HS6ST2: variants seen among roughly 807,000 people sequenced by gnomAD.
HS6ST2 encodes the protein heparan-sulfate 6-O-sulfotransferase 2.
Under a neutral mutation model 33.0 loss-of-function variants are expected in HS6ST2, and 17 were observed. The observed-to-expected ratio is 0.52, with a 90% CI of 0.35 to 0.77. HS6ST2 has a LOEUF of 0.77. HS6ST2 is among the 30% of genes least tolerant of loss of function. The pLI is 0.01. For missense variants in HS6ST2, 519 were observed against 551.7 expected (o/e 0.94, Z 0.59); for synonymous variants, 248 against 237.1 (o/e 1.05, Z -0.42).
At chrX:132,800,973 T>C (rs1263043534) in intron 2 of HS6ST2, among the ~76,000 whole-genome samples, 3 of 111,781 alleles carry the variant, frequency 2.7e-5, no homozygotes, top group African/African-American at 9.8e-5. Context: ...TCAGCCATAA[T>C]TGTAAGTTTC....
chrX:132,937,223 T>C (rs1191899578), intron 2 of HS6ST2, among the ~76,000 whole-genome samples: 1 of 112,069 alleles, frequency 8.9e-6, no homozygotes, highest in Non-Finnish European at 1.9e-5. Context: ...AGACATCACA[T>C]GCTCATAGAT....
At chrX:132,913,400 A>G (rs2066552759) in intron 2 of HS6ST2, among the ~76,000 whole-genome samples, 1 of 112,258 alleles carries the variant, frequency 8.9e-6, no homozygotes, top group African/African-American at 3.2e-5. Context: ...GGACTAAAAC[A>G]ACTGTTAGCA....
intron 2 of HS6ST2, among the ~76,000 whole-genome samples, chrX:132,851,987 T>C (rs1193239383): frequency 1.8e-5 from 2 of 110,890 alleles, no homozygotes; most frequent in Non-Finnish European, 3.8e-5. Context: ...CAAAAAACTT[T>C]AAAACTTAGC....
chrX:132,814,936 G>A (rs1198780679), intron 2 of HS6ST2, among the ~76,000 whole-genome samples: 1 of 112,054 alleles, frequency 8.9e-6, no homozygotes, highest in Admixed American at 9.5e-5. Context: ...TAAAACCCAA[G>A]TCAAATGCCA....
intron 2 of HS6ST2, among the ~76,000 whole-genome samples, chrX:132,886,628 A>G (rs1455295357): frequency 9.0e-6 from 1 of 111,342 alleles, no homozygotes; most frequent in African/African-American, 3.3e-5. Context: ...ACCTAGGAAC[A>G]TAATGGCCAA....
At chrX:132,716,504 T>TA (rs914849104) in intron 2 of HS6ST2, among the ~76,000 whole-genome samples, 7 of 111,709 alleles carry the variant, frequency 6.3e-5, no homozygotes, top group Middle Eastern at 4.6e-3. Flanking sequence ...AGTTGAGTTA[T>TA]AAAAAAAATG....
chrX:132,798,629 C>G (rs1455063094), intron 2 of HS6ST2, among the ~76,000 whole-genome samples: 1 of 111,797 alleles, frequency 8.9e-6, no homozygotes, highest in African/African-American at 3.3e-5. Flanking sequence ...AAAAAAGGCT[C>G]AGTAAAACTC....
intron 2 of HS6ST2, among the ~76,000 whole-genome samples, chrX:132,724,599 A>G (rs2093206234): frequency 8.9e-6 from 1 of 111,998 alleles, no homozygotes; most frequent in Non-Finnish European, 1.9e-5. Flanking sequence ...TACAGATTTG[A>G]TGCAATCCCT....
chrX:132,854,290 C>T (rs775903494), intron 2 of HS6ST2, among the ~76,000 whole-genome samples: 4 of 112,306 alleles, frequency 3.6e-5, no homozygotes, highest in Admixed American at 2.8e-4. Flanking sequence ...TTTCATCTGT[C>T]TTAAAGAATT....
At chrX:132,814,212 G>C (rs1164358280) in intron 2 of HS6ST2, among the ~76,000 whole-genome samples, 1 of 112,249 alleles carries the variant, frequency 8.9e-6, no homozygotes, top group African/African-American at 3.2e-5. Flanking sequence ...CCAAAGTGCT[G>C]GGATTATAGG....
At chrX:132,945,329 G>T (rs2066939221) in intron 2 of HS6ST2, among the ~76,000 whole-genome samples, 2 of 111,760 alleles carry the variant, frequency 1.8e-5, no homozygotes, top group Non-Finnish European at 3.8e-5. Flanking sequence ...CAGTTAGAAT[G>T]GCGATCATTA....
intron 3 of HS6ST2, among the ~76,000 whole-genome samples, chrX:132,676,151 G>A (rs748636209): frequency 2.1e-4 from 24 of 112,031 alleles, no homozygotes; most frequent in Admixed American, 2.8e-4. Context: ...TCTGCCAGTC[G>A]TACTTCTTAA....
intron 2 of HS6ST2, among the ~76,000 whole-genome samples, chrX:132,778,395 T>C (rs1368275503): frequency 9.0e-6 from 1 of 111,113 alleles, no homozygotes; most frequent in African/African-American, 3.3e-5. Flanking sequence ...TTGTTTTGTT[T>C]TGTTTTTTTG....
intron 4 of HS6ST2, among the ~76,000 whole-genome samples, chrX:132,643,648 T>G (rs1292180680): frequency 9.0e-6 from 1 of 111,281 alleles, no homozygotes; most frequent in Non-Finnish European, 1.9e-5. Context: ...CAAAACCAAG[T>G]CTCTGACTCC....
intron 2 of HS6ST2, among the ~76,000 whole-genome samples, chrX:132,884,542 C>G (rs1273789687): frequency 8.9e-6 from 1 of 111,890 alleles, no homozygotes; most frequent in Non-Finnish European, 1.9e-5. Flanking sequence ...AGTGCCATCA[C>G]AAAGTACAAA....
intron 4 of HS6ST2, among the ~76,000 whole-genome samples, chrX:132,629,528 T>C (rs945904991): frequency 6.2e-5 from 7 of 112,317 alleles, no homozygotes; most frequent in African/African-American, 2.3e-4. Flanking sequence ...AAGCACATAC[T>C]TTATTGGAGT....
At chrX:132,856,050 A>C (rs747853113) in intron 2 of HS6ST2, among the ~76,000 whole-genome samples, 1 of 111,648 alleles carries the variant, frequency 9.0e-6, no homozygotes, top group South Asian at 3.8e-4. Flanking sequence ...TTAATAATTA[A>C]ACCTGAATTG....
At chrX:132,723,292 T>C (rs1466787758) in intron 2 of HS6ST2, among the ~76,000 whole-genome samples, 1 of 111,562 alleles carries the variant, frequency 9.0e-6, no homozygotes, top group African/African-American at 3.3e-5. Flanking sequence ...TTCTGGGAAA[T>C]AGAGGAAGAG....
chrX:132,865,991 C>G (rs1463359830), intron 2 of HS6ST2, among the ~76,000 whole-genome samples: 1 of 111,718 alleles, frequency 9.0e-6, no homozygotes, highest in East Asian at 2.8e-4. Context: ...TAATTAGATC[C>G]CATTTGTCAA....
Sources: allele counts gnomAD v4.1 joint callset (sites outside exome capture counted in the v4.1 genomes callset), GRCh38; gene constraint gnomAD v4.1.1; transcripts MANE v1.5; gene names NCBI Gene and HGNC (gene_info 2026-07-23, HGNC 2026-07-21).